Variants in MTA1 observed in about 807,000 individuals in gnomAD.
MTA1 encodes the protein metastasis associated 1.
A neutral mutation model predicts 97.0 loss-of-function variants in MTA1; 15 were observed. The observed-to-expected ratio is 0.15, with a 90% CI of 0.10 to 0.24. The LOEUF (loss-of-function observed/expected upper bound fraction) is 0.24, where lower values mean the gene tolerates loss of function less well. Ranked by LOEUF, MTA1 falls within the 10% of genes least tolerant of loss-of-function variation. The probability of loss-of-function intolerance (pLI) is 1.00; values close to 1 mark genes in which losing one functional copy is unlikely to be tolerated. For synonymous variants in MTA1, 435 were observed against 417.5 expected (o/e 1.04, Z -0.51); for missense variants, 709 against 1,015.1 (o/e 0.70, Z 4.10).
intron 1 of MTA1, among the ~76,000 whole-genome samples, chr14:105,431,432 A>G (rs782431737): frequency 1.4e-4 from 22 of 152,244 alleles, no homozygotes; most frequent in Non-Finnish European, 2.8e-4. Context: ...AATAGAAGCC[A>G]CAAGTAACCA....
At chr14:105,450,863 G>A (rs1391805224) in intron 6 of MTA1, among the ~76,000 whole-genome samples, 1 of 152,218 alleles carries the variant, frequency 6.6e-6, no homozygotes, top group Non-Finnish European at 1.5e-5. Context: ...GAGCAGTGTC[G>A]CCTGACGGAG....
At chr14:105,461,731 G>A (rs1247066747) in intron 10 of MTA1, among the ~76,000 whole-genome samples, 1 of 152,222 alleles carries the variant, frequency 6.6e-6, no homozygotes, top group African/African-American at 2.4e-5. Context: ...ACCTGAAGAG[G>A]AGGAGGGACA....
chr14:105,429,001 G>A (rs1329020247), intron 1 of MTA1, among the ~76,000 whole-genome samples: 1 of 152,198 alleles, frequency 6.6e-6, no homozygotes, highest in Non-Finnish European at 1.5e-5. Flanking sequence ...TGGGATTACA[G>A]GCATGAGCCA....
In MTA1 at chr14:105,420,489, C is replaced by T. The variant is rs587760521; in HGVS notation, c.28+426C>T. Among the ~76,000 whole-genome samples, 10 of 152,258 alleles carry T rather than the reference C, an allele frequency of 6.6e-5. No homozygotes were observed. The South Asian group carries it at 2.1e-3, about 32-fold the overall frequency. On this transcript the variant is annotated intron_variant, in intron 1 of 20. Coordinates refer to ENST00000331320, the MANE Select transcript of MTA1 (RefSeq NM_004689.4). This position sits in a 1 kb window ranked among gnomAD's most constrained non-coding sequence, Gnocchi z 5.3. The stretch of plus-strand genomic sequence containing the variant: ...GGCCCGCGGCCCTGTGCTGGGACTC[C>T]GGTGCATCCCCTCTGGGGATGGGGA...
At position 105,420,307 on chromosome 14, in the gene MTA1, G is replaced by A. The variant is rs2081784616; in HGVS notation, c.28+244G>A. 1.3e-5 allele frequency among the ~76,000 whole-genome samples: 2 copies of A among 150,380 alleles called. No homozygotes were observed. Among genetic ancestry groups the A allele is most frequent in the Admixed American group, 1.3e-4 (2 of 15,126 alleles). On this transcript the variant is annotated intron_variant, in intron 1 of 20. Coordinates refer to ENST00000331320, the MANE Select transcript of MTA1 (RefSeq NM_004689.4). This position sits in a 1 kb window ranked among gnomAD's most constrained non-coding sequence, Gnocchi z 5.3. ...GGGGGTGGGGGGCGGCCCACCTGTT[G>A]GGGCCGAGGGGGCGGCCGCGGGGGT...
In MTA1 at chr14:105,466,433, C is replaced by T; in HGVS notation, c.1632C>T (p.His544=). ...CTGTGTCATTCCCGGCAGAGACCCA[C>T]CCCCGCCCCCCCAAGCCTGACCCCG... ...LEAVLRYLET[H]PRPPKPDPVK... The change falls in exon 17 of 21, where the codon CAC becomes CAT. Residue 544 remains histidine (H), a synonymous_variant. Coordinates refer to ENST00000331320, the MANE Select transcript of MTA1 (RefSeq NM_004689.4). 9.7e-7 allele frequency: 1 copy of T among 1,031,924 alleles called. No individual in the cohort carries two copies. The allele number at this position is 1,031,924 out of a possible 1,614,324, so 63.9% of individuals were successfully genotyped here.
At chr14:105,469,358 G>T (rs1383897200) in intron 18 of MTA1, 109 bp from the exon 19 acceptor site, 1 of 1,243,306 alleles carries the variant, frequency 8.0e-7, no homozygotes, top group South Asian at 1.2e-5. Context: ...TGGCTTGGTT[G>T]GCAGATGGCC....
chr14:105,447,778 C>T (rs1434719236), intron 3 of MTA1, among the ~76,000 whole-genome samples: 1 of 152,232 alleles, frequency 6.6e-6, no homozygotes, highest in Non-Finnish European at 1.5e-5. Context: ...CGGCCCCACT[C>T]TTGCCTGGCG....
intron 2 of MTA1, among the ~76,000 whole-genome samples, chr14:105,441,201 A>G (rs1207717618): frequency 6.6e-6 from 1 of 152,178 alleles, no homozygotes; most frequent in East Asian, 1.9e-4. Context: ...CCAGGCCAGC[A>G]CAGTTCGTGC....
At position 105,464,010 on chromosome 14, in the gene MTA1, G is replaced by A. The variant is rs782263468; in HGVS notation, c.1077-22G>A. 38 of 1,611,170 alleles carry A rather than the reference G, an allele frequency of 2.4e-5. No individual in the cohort carries two copies. The East Asian group carries it at 3.6e-4, about 15-fold the overall frequency. ...GGTTTGTGCTCCTGCAACTCCTCTC[G>A]TCTCTCCTTTCCCTCTTTAAGTAAC... On this transcript the variant is annotated intron_variant, in intron 12 of 20. Transcript: ENST00000331320.
At chr14:105,458,225 C>A in intron 7 of MTA1, 45 bp from the exon 8 acceptor site, 1 of 1,554,868 alleles carries the variant, frequency 6.4e-7, no homozygotes, top group Non-Finnish European at 8.9e-7. Context: ...CGGCCCGGCG[C>A]GCCGTGGGAC....
intron 3 of MTA1, among the ~76,000 whole-genome samples, chr14:105,447,012 T>G (rs1201707408): frequency 6.6e-6 from 1 of 152,178 alleles, no homozygotes; most frequent in East Asian, 1.9e-4. Flanking sequence ...GGAGGAGAGC[T>G]GGGGATGTTG....
At chr14:105,456,588 G>A (rs1311345451) in intron 7 of MTA1, among the ~76,000 whole-genome samples, 2 of 152,252 alleles carry the variant, frequency 1.3e-5, no homozygotes, top group Non-Finnish European at 2.9e-5. Context: ...CCACCTCCGA[G>A]AGGCTGTGTC....
In MTA1 at chr14:105,465,176, G is replaced by A; in HGVS notation, c.1617G>A (p.Arg539=). The A allele has an allele frequency of 1.3e-6, 2 of 1,518,296 alleles. No homozygotes were observed. Among genetic ancestry groups the A allele is most frequent in the Non-Finnish European group, 1.8e-6 (2 of 1,125,914 alleles). The allele number at this position is 1,518,296 out of a possible 1,614,324, so 94.1% of individuals were successfully genotyped here. A position where few individuals can be genotyped will look rare whatever the true frequency, so the allele number is the denominator to read the frequency against. The stretch of plus-strand genomic sequence containing the variant: ...GCAAGCCGCTGGAAGCCGTGCTTCG[G>A]TATCTTGGTGAGCAGCCAGGCGTGC... The part of the protein sequence containing the change: ...AVRKPLEAVL[R]YLETHPRPPK... Residue 539 remains arginine (R), a synonymous_variant, in exon 16 of 21, where the codon CGG becomes CGA. Transcript: ENST00000331320.
At chr14:105,440,697 G>A (rs782779452) in intron 2 of MTA1, among the ~76,000 whole-genome samples, 9 of 152,278 alleles carry the variant, frequency 5.9e-5, no homozygotes, top group Non-Finnish European at 1.3e-4. Flanking sequence ...GTCTCTGGGC[G>A]GGACACCAGC....
chr14:105,464,273 C>A, intron 13 of MTA1, 126 bp downstream of exon 13: 1 of 1,417,076 alleles, frequency 7.1e-7, no homozygotes, highest in Non-Finnish European at 9.6e-7. Flanking sequence ...GGGCTGCGTC[C>A]CAGGGGTGTG....
chr14:105,460,596 G>C (rs2083312674), intron 9 of MTA1, 139 bp downstream of exon 9: 1 of 1,190,516 alleles, frequency 8.4e-7, no homozygotes, highest in African/African-American at 1.5e-5. Context: ...ACCTGGACTG[G>C]CCTTTCCTAT....
intron 17 of MTA1, 51 bp from the exon 18 acceptor site, chr14:105,466,656 G>A (rs370591914): frequency 3.6e-5 from 58 of 1,599,742 alleles, no homozygotes; most frequent in African/African-American, 2.5e-4. Flanking sequence ...GGCACCCGCC[G>A]TGCGTGCTGA....
intron 10 of MTA1, 136 bp downstream of exon 10, chr14:105,461,089 T>C: frequency 2.1e-6 from 2 of 951,658 alleles, no homozygotes; most frequent in African/African-American, 1.6e-5. Context: ...CGGAGCTGCA[T>C]GAGTTCTGTC....
Sources: gnomAD v4.1 joint callset for allele counts (sites outside exome capture counted in the v4.1 genomes callset) on GRCh38, gnomAD v4.1.1 for gene constraint, Gnocchi (gnomAD v3.1) non-coding constraint, MANE v1.5 for transcripts, NCBI Gene and HGNC (gene_info 2026-07-23, HGNC 2026-07-21) for gene names.